PLCH1: variants seen among roughly 807,000 people sequenced by gnomAD.
PLCH1 encodes the protein 1-phosphatidylinositol 4,5-bisphosphate phosphodiesterase eta-1.
PLCH1 carries 60 observed loss-of-function variants against 126.7 expected under a neutral mutation model. The observed-to-expected ratio is 0.47, with a 90% CI of 0.38 to 0.59. PLCH1 has a LOEUF of 0.59. Among genes scored for constraint, PLCH1 ranks in the 20% least tolerant of loss-of-function variants. The pLI is 0.00. For synonymous variants in PLCH1, 719 were observed against 734.9 expected (o/e 0.98, Z 0.35); for missense variants, 1,723 against 2,040.0 (o/e 0.84, Z 2.99).
At chr3:155,725,722 G>A (rs184089333) in intron 1 of PLCH1, among the ~76,000 whole-genome samples, 103 of 152,132 alleles carry the variant, frequency 6.8e-4, no homozygotes, top group African/African-American at 2.5e-3. Context: ...TTACAGGCAT[G>A]AGACATCACT....
Position 155,497,326 on chromosome 3 carries a change from C to T in PLCH1, c.1888G>A (p.Asp630Asn). Reference sequence around the variant, plus strand: ...GAAAACTCTCCATCCTTACCGTCATCCACAATGTCCTGAGCGGCCACGGAG... The same window carrying T: ...GAAAACTCTCCATCCTTACCGTCATTCACAATGTCCTGAGCGGCCACGGAG... ...TNSVAAQDIV[D>N]DGTTGNVLSF... is the part of the protein sequence containing the mutation. Residue 630 changes from aspartate to asparagine, a missense_variant, in exon 15 of 23, where the codon GAT (aspartate) becomes AAT (asparagine). Transcript: ENST00000460012. 6.2e-7 allele frequency: 1 copy of T among 1,600,544 alleles called. No homozygotes were observed. The highest frequency in any genetic ancestry group is 1.1e-5 in the South Asian group (1 of 90,722).
intron 6 of PLCH1, among the ~76,000 whole-genome samples, chr3:155,572,371 A>T (rs1336347913): frequency 6.6e-6 from 1 of 152,194 alleles, no homozygotes; most frequent in Non-Finnish European, 1.5e-5. Flanking sequence ...GCTGTTGAGA[A>T]ATCTGATGCC....
intron 18 of PLCH1, among the ~76,000 whole-genome samples, chr3:155,492,128 G>C (rs755550892): frequency 6.6e-5 from 10 of 152,144 alleles, no homozygotes; most frequent in Non-Finnish European, 1.2e-4. Flanking sequence ...CAAAGAACCT[G>C]AAGTAATGGA....
At chr3:155,526,645 T>C (rs189872769) in intron 10 of PLCH1, among the ~76,000 whole-genome samples, 2 of 152,074 alleles carry the variant, frequency 1.3e-5, no homozygotes, top group South Asian at 2.1e-4. Flanking sequence ...ACTAAAGGAA[T>C]CTCGGAAGCA....
intron 2 of PLCH1, among the ~76,000 whole-genome samples, chr3:155,616,726 G>A (rs1201700759): frequency 6.6e-6 from 1 of 151,984 alleles, no homozygotes; most frequent in East Asian, 1.9e-4. Flanking sequence ...GTCTTTATTG[G>A]GTCTTGTTAT....
intron 21 of PLCH1, among the ~76,000 whole-genome samples, chr3:155,462,290 T>G (rs1712759174): frequency 6.6e-6 from 1 of 152,126 alleles, no homozygotes; most frequent in African/African-American, 2.4e-5. Flanking sequence ...AACTTGTAAA[T>G]GGGCACCTGC....
chr3:155,499,143 T>C (rs1717517411), intron 14 of PLCH1, among the ~76,000 whole-genome samples: 1 of 152,220 alleles, frequency 6.6e-6, no homozygotes, highest in Non-Finnish European at 1.5e-5. Context: ...GTAGTTTTGA[T>C]TTATATCTCC....
chr3:155,469,326 G>A (rs1348340346), intron 21 of PLCH1, among the ~76,000 whole-genome samples: 1 of 152,188 alleles, frequency 6.6e-6, no homozygotes, highest in Non-Finnish European at 1.5e-5. Context: ...GACACACCTG[G>A]AAAATCAGGT....
At chr3:155,630,846 T>G (rs1328967789) in intron 2 of PLCH1, among the ~76,000 whole-genome samples, 1 of 152,156 alleles carries the variant, frequency 6.6e-6, no homozygotes, top group African/African-American at 2.4e-5. Flanking sequence ...TTTTAAAAAC[T>G]TCTTAAACTA....
At chr3:155,469,619 G>T (rs530279392) in intron 21 of PLCH1, among the ~76,000 whole-genome samples, 3,209 of 152,286 alleles carry the variant, frequency 0.021, 120 homozygotes, top group African/African-American at 0.073. Context: ...CACCTCTGGG[G>T]GCAGGGCACA....
At position 155,566,242 on chromosome 3, in the gene PLCH1, T is replaced by C. The variant is rs1213208665; in HGVS notation, c.866-1124A>G. Among the ~76,000 whole-genome samples the C allele has an allele frequency of 1.2e-4, 11 of 92,910 alleles. 4 individuals carry two copies. The highest frequency in any genetic ancestry group is 3.4e-4 in the African/African-American group (9 of 26,728). 61.0% of individuals were successfully genotyped at this position (92,910 alleles called of 152,430 possible). ...ACGTATATATACACATATATATACA[T>C]ATATATACGTATATATACACATATA... On this transcript the variant is annotated intron_variant, in intron 7 of 22. Coordinates refer to ENST00000460012, the MANE Select transcript of PLCH1 (RefSeq NM_014996.4).
At chr3:155,579,014 A>G (rs565086863) in intron 6 of PLCH1, among the ~76,000 whole-genome samples, 120 of 152,330 alleles carry the variant, frequency 7.9e-4, no homozygotes, top group Non-Finnish European at 1.4e-3. Context: ...TACTGCCATT[A>G]GATCATAACC....
intron 2 of PLCH1, among the ~76,000 whole-genome samples, chr3:155,692,027 CT>C (rs1232094181): frequency 6.9e-6 from 1 of 144,656 alleles, no homozygotes; most frequent in Non-Finnish European, 1.5e-5. Context: ...GAGACTCTGT[CT>C]AAAAAAAAAA....
intron 1 of PLCH1, among the ~76,000 whole-genome samples, chr3:155,734,143 T>C (rs1214571367): frequency 6.6e-6 from 1 of 151,920 alleles, no homozygotes; most frequent in Non-Finnish European, 1.5e-5. Flanking sequence ...TGTAAATTAA[T>C]ACGGCATGGA....
intron 6 of PLCH1, among the ~76,000 whole-genome samples, chr3:155,575,516 G>T (rs1729817437): frequency 6.6e-6 from 1 of 152,208 alleles, no homozygotes; most frequent in African/African-American, 2.4e-5. Flanking sequence ...TGGCCCTGTA[G>T]CAGGGAAACA....
At chr3:155,497,994 C>T (rs112217750) in intron 14 of PLCH1, among the ~76,000 whole-genome samples, 15 of 152,242 alleles carry the variant, frequency 9.9e-5, no homozygotes, top group Middle Eastern at 3.4e-3. Context: ...GGATTACAGA[C>T]GCAAGCCACA....
At chr3:155,557,605 G>A (rs1577005800) in intron 8 of PLCH1, among the ~76,000 whole-genome samples, 2 of 152,120 alleles carry the variant, frequency 1.3e-5, no homozygotes, top group East Asian at 3.8e-4. Context: ...TGTGGCATTC[G>A]TGGCCAGGTT....
At chr3:155,687,287 C>T (rs765606607) in intron 2 of PLCH1, among the ~76,000 whole-genome samples, 138 of 152,046 alleles carry the variant, frequency 9.1e-4, no homozygotes, top group Middle Eastern at 6.8e-3. Context: ...CATTCATAGT[C>T]GACTAGCACA....
intron 10 of PLCH1, among the ~76,000 whole-genome samples, chr3:155,537,746 A>C (rs1428122293): frequency 2.0e-5 from 3 of 152,160 alleles, no homozygotes; most frequent in Non-Finnish European, 4.4e-5. Flanking sequence ...CAAATTTATA[A>C]AACAGTTACT....
Sources: gnomAD v4.1 joint callset for allele counts (sites outside exome capture counted in the v4.1 genomes callset) on GRCh38, gnomAD v4.1.1 for gene constraint, MANE v1.5 for transcripts, NCBI Gene and HGNC (gene_info 2026-07-23, HGNC 2026-07-21) for gene names.